The following APBB2 variants were observed in gnomAD, a reference collection of about 807,000 sequenced individuals.
The protein encoded by APBB2 is Fe65-like 1.
A neutral mutation model predicts 82.5 loss-of-function variants in APBB2; 38 were observed. That is an observed-to-expected ratio of 0.46 (90% CI 0.36 to 0.60). The LOEUF is 0.60. Ranked by LOEUF, APBB2 falls within the 20% of genes least tolerant of loss-of-function variation. The pLI is 0.00. For missense variants in APBB2, 772 were observed against 972.3 expected, an observed-to-expected ratio of 0.79 and a Z score of 2.74; for synonymous variants, 341 against 368.2, an observed-to-expected ratio of 0.93 and a Z score of 0.85.
At chr4:41,142,345 A>G (rs1759480771) in intron 2 of APBB2, among the ~76,000 whole-genome samples, 1 of 152,186 alleles carries the variant, frequency 6.6e-6, no homozygotes, top group Admixed American at 6.5e-5. Context: ...CCACAGTGAG[A>G]GCATTTGGCA....
chr4:41,146,348 A>C (rs6854521), intron 1 of APBB2, among the ~76,000 whole-genome samples: 8 of 137,988 alleles, frequency 5.8e-5, no homozygotes, highest in African/African-American at 1.1e-4. Context: ...AAAAAAAAAA[A>C]CCCGGGCATG....
intron 7 of APBB2, among the ~76,000 whole-genome samples, chr4:40,943,630 A>T (rs1787606100): frequency 6.6e-6 from 1 of 152,258 alleles, no homozygotes; most frequent in African/African-American, 2.4e-5. Flanking sequence ...ACCTAATGCA[A>T]GATGAACAAA....
At chr4:40,967,606 T>C (rs1395251375) in intron 6 of APBB2, among the ~76,000 whole-genome samples, 1 of 152,138 alleles carries the variant, frequency 6.6e-6, no homozygotes, top group African/African-American at 2.4e-5. Context: ...CCACCACAGC[T>C]AGGTATGCCT....
intron 2 of APBB2, among the ~76,000 whole-genome samples, chr4:41,133,178 C>T (rs200135041): frequency 6.6e-6 from 1 of 151,808 alleles, no homozygotes; most frequent in East Asian, 1.9e-4. Context: ...TAAATCTTTC[C>T]AAAGGAGCAC....
rs115305377 is a variant in APBB2 at position 40,905,211 on chromosome 4, G to A, written c.1255-11800C>T. On this transcript the variant is annotated intron_variant, in intron 10 of 17. Transcript: ENST00000508593. The stretch of plus-strand genomic sequence containing the variant: ...ACGATATCCATCTCCTTGCCTGCCC[G>A]CCACCCACTAATGGCTGGTCCCTTC... Among the ~76,000 whole-genome samples, 1,193 of 152,100 alleles carry A rather than the reference G, an allele frequency of 7.8e-3. 17 individuals carry two copies. Among genetic ancestry groups the A allele is most frequent in the African/African-American group, 0.027 (1,132 of 41,502 alleles).
intron 1 of APBB2, among the ~76,000 whole-genome samples, chr4:41,165,779 G>A (rs1766369381): frequency 6.6e-6 from 1 of 151,686 alleles, no homozygotes; most frequent in Non-Finnish European, 1.5e-5. Flanking sequence ...CAGCTTGATC[G>A]CCCAGTAGAT....
chr4:40,870,424 G>A (rs1765165285), intron 12 of APBB2, among the ~76,000 whole-genome samples: 1 of 152,190 alleles, frequency 6.6e-6, no homozygotes, highest in Non-Finnish European at 1.5e-5. Context: ...TACACAAGAG[G>A]GCCCTGGGGC....
intron 10 of APBB2, among the ~76,000 whole-genome samples, chr4:40,918,749 T>G (rs577846808): frequency 4.4e-5 from 6 of 135,736 alleles, no homozygotes; most frequent in African/African-American, 1.8e-4. Context: ...TCCTTCCTTA[T>G]TTTTTCTCTG....
In APBB2 at chr4:41,075,549, C is replaced by G. The variant is rs564441431; in HGVS notation, c.-148-9876G>C. Reference sequence around the variant, plus strand: ...TCTACAGAGATGCCTCAAGGAAGCTCAGTTCCCTATAGAACACAACTGGGA... The same window carrying G: ...TCTACAGAGATGCCTCAAGGAAGCTGAGTTCCCTATAGAACACAACTGGGA... On this transcript the variant is annotated intron_variant, in intron 3 of 17. Coordinates refer to ENST00000508593, the MANE Select transcript of APBB2 (RefSeq NM_004307.2). Among the ~76,000 whole-genome samples the G allele has an allele frequency of 3.9e-5, 6 of 152,308 alleles. No homozygotes were observed. The South Asian group carries it at 1.2e-3, about 32-fold the overall frequency.
Position 41,062,259 on chromosome 4 carries a change from G to T in APBB2, c.-51+3317C>A, listed in dbSNP as rs746359779. Among the ~76,000 whole-genome samples, 4 of 151,994 alleles carry T rather than the reference G, an allele frequency of 2.6e-5. No homozygotes were observed. The East Asian group carries it at 7.7e-4, about 29-fold the overall frequency. On this transcript the variant is annotated intron_variant, in intron 4 of 17. Transcript: ENST00000508593. ...ACAATCCTGGCTCACTGCAACCTCCGCCTCCCAGGTTCAAGCAATTCTCCT... is the reference window on the plus strand; with the variant it reads ...ACAATCCTGGCTCACTGCAACCTCCTCCTCCCAGGTTCAAGCAATTCTCCT...
intron 5 of APBB2, among the ~76,000 whole-genome samples, chr4:41,021,380 C>T (rs1004470514): frequency 7.9e-5 from 12 of 152,096 alleles, no homozygotes; most frequent in Non-Finnish European, 1.5e-4. Flanking sequence ...CTTCCTGGGT[C>T]GAGTGGGGAC....
At chr4:40,942,924 C>T (rs1379902489) in intron 7 of APBB2, among the ~76,000 whole-genome samples, 3 of 152,204 alleles carry the variant, frequency 2.0e-5, no homozygotes, top group African/African-American at 7.2e-5. Flanking sequence ...CAACTCTGAG[C>T]TCCGTAAGCC....
At chr4:40,842,343 G>C (rs1388106608) in intron 12 of APBB2, 1 of 455,566 alleles carries the variant, frequency 2.2e-6, no homozygotes, top group Non-Finnish European at 4.4e-6. Context: ...ACCACGAAGG[G>C]GGGAGAAGTG....
chr4:40,852,477 TG>T (rs1560703240), intron 12 of APBB2, among the ~76,000 whole-genome samples: 2 of 152,064 alleles, frequency 1.3e-5, no homozygotes, highest in Non-Finnish European at 2.9e-5. Flanking sequence ...TTTATTTTCA[TG>T]CCAGAACAAA....
chr4:40,883,862 C>T (rs1769439583), intron 12 of APBB2, among the ~76,000 whole-genome samples: 1 of 152,128 alleles, frequency 6.6e-6, no homozygotes, highest in African/African-American at 2.4e-5. Flanking sequence ...CTGGGTCCCC[C>T]GTTCTTTTTC....
intron 1 of APBB2, among the ~76,000 whole-genome samples, chr4:41,154,666 T>TAG (rs1479280725): frequency 1.3e-5 from 2 of 152,218 alleles, no homozygotes; most frequent in Non-Finnish European, 2.9e-5. Flanking sequence ...TTGTGTAACC[T>TAG]AGACCACAGT....
At chr4:41,187,210 C>G (rs1773137327) in intron 1 of APBB2, among the ~76,000 whole-genome samples, 1 of 152,020 alleles carries the variant, frequency 6.6e-6, no homozygotes, top group Non-Finnish European at 1.5e-5. Context: ...CTTTACTTGC[C>G]AAATATTAAA....
chr4:40,960,559 T>C (rs1792893674), intron 6 of APBB2, among the ~76,000 whole-genome samples: 1 of 150,034 alleles, frequency 6.7e-6, no homozygotes, highest in Non-Finnish European at 1.5e-5. Context: ...GCCATTCTCC[T>C]GCCTCAGCCT....
intron 2 of APBB2, among the ~76,000 whole-genome samples, chr4:41,111,130 G>A (rs1749055036): frequency 6.6e-6 from 1 of 152,184 alleles, no homozygotes; most frequent in Admixed American, 6.5e-5. Context: ...TAATGCTGCT[G>A]CTGATCTGAC....
Sources: gnomAD v4.1 joint callset for allele counts (sites outside exome capture counted in the v4.1 genomes callset) on GRCh38, gnomAD v4.1.1 for gene constraint, MANE v1.5 for transcripts, NCBI Gene and HGNC (gene_info 2026-07-23, HGNC 2026-07-21) for gene names.